Variants in ALK observed in about 807,000 individuals in gnomAD.
The protein encoded by ALK is ALK receptor tyrosine kinase.
A neutral mutation model predicts 163.1 loss-of-function variants in ALK; 74 were observed. The ratio of observed to expected loss-of-function variants is 0.45; its 90% CI spans 0.38 to 0.55. The LOEUF (loss-of-function observed/expected upper bound fraction) is 0.55. ALK is among the 20% of genes least tolerant of loss of function. The pLI is 0.00. For synonymous variants in ALK, 960 were observed against 843.2 expected, an observed-to-expected ratio of 1.14 and a Z score of -2.40; for missense variants, 2,063 against 2,105.3, an observed-to-expected ratio of 0.98 and a Z score of 0.39.
intron 12 of ALK, among the ~76,000 whole-genome samples, chr2:29,248,431 C>A (rs1664739449): frequency 6.6e-6 from 1 of 152,200 alleles, no homozygotes; most frequent in African/African-American, 2.4e-5. Flanking sequence ...CCACTGCACC[C>A]CAGCCTGGGC....
chr2:29,585,244 C>T (rs766242156), intron 3 of ALK, among the ~76,000 whole-genome samples: 29 of 152,110 alleles, frequency 1.9e-4, no homozygotes, highest in Non-Finnish European at 3.7e-4. Context: ...GGTGATGATG[C>T]AAAGAAGAAA....
intron 26 of ALK, among the ~76,000 whole-genome samples, chr2:29,203,804 C>G (rs557844963): frequency 6.6e-6 from 1 of 151,836 alleles, no homozygotes; most frequent in East Asian, 1.9e-4. Flanking sequence ...CCTTTTTCCC[C>G]ATGGTGATTG....
intron 1 of ALK, among the ~76,000 whole-genome samples, chr2:29,819,583 G>A (rs1478113368): frequency 1.3e-5 from 2 of 152,236 alleles, no homozygotes; most frequent in Non-Finnish European, 2.9e-5. Flanking sequence ...CCATGGTGTA[G>A]AGTAAAATTC....
intron 3 of ALK, among the ~76,000 whole-genome samples, chr2:29,629,004 A>G (rs1264544604): frequency 2.0e-5 from 3 of 152,098 alleles, no homozygotes; most frequent in Admixed American, 6.6e-5. Flanking sequence ...GAAACCTAAG[A>G]CTGCCATGGG....
chr2:29,363,303 G>A (rs1017288574), intron 5 of ALK, among the ~76,000 whole-genome samples: 7 of 152,274 alleles, frequency 4.6e-5, no homozygotes, highest in Admixed American at 4.6e-4. Flanking sequence ...CTTCTTCCTA[G>A]GGGCCTTCAC....
intron 3 of ALK, among the ~76,000 whole-genome samples, chr2:29,640,094 G>A (rs1364745500): frequency 1.3e-5 from 2 of 152,162 alleles, no homozygotes; most frequent in Admixed American, 6.5e-5. Flanking sequence ...GACAGAGGGA[G>A]GTCCAGTGCC....
intron 4 of ALK, among the ~76,000 whole-genome samples, chr2:29,513,590 C>A (rs1274322707): frequency 6.6e-6 from 1 of 151,948 alleles, no homozygotes; most frequent in Non-Finnish European, 1.5e-5. Flanking sequence ...TAGGCACGGG[C>A]AAGGACTTCA....
intron 1 of ALK, among the ~76,000 whole-genome samples, chr2:29,833,297 G>T (rs77345071): frequency 6.6e-6 from 1 of 152,184 alleles, no homozygotes; most frequent in South Asian, 2.1e-4. Context: ...TGTGCAAGGA[G>T]CAAGTCCACA....
At chr2:29,687,985 G>C (rs1167414904) in intron 3 of ALK, among the ~76,000 whole-genome samples, 1 of 152,154 alleles carries the variant, frequency 6.6e-6, no homozygotes, top group African/African-American at 2.4e-5. Context: ...GTTGCAGCCT[G>C]CATCTTAGGT....
intron 1 of ALK, among the ~76,000 whole-genome samples, chr2:29,883,578 T>C (rs1043778829): frequency 6.6e-6 from 1 of 152,184 alleles, no homozygotes; most frequent in Non-Finnish European, 1.5e-5. Flanking sequence ...CAGTAAAGAA[T>C]GCTGAATTGA....
chr2:29,608,040 C>CT (rs57423593), intron 3 of ALK, among the ~76,000 whole-genome samples: 9 of 151,456 alleles, frequency 5.9e-5, no homozygotes, highest in African/African-American at 1.5e-4. Flanking sequence ...ATTTCTATTG[C>CT]TTTGTCTGGA....
At chr2:29,506,741 G>A (rs1034188867) in intron 4 of ALK, among the ~76,000 whole-genome samples, 4 of 135,408 alleles carry the variant, frequency 3.0e-5, no homozygotes, top group East Asian at 2.0e-4. Flanking sequence ...GCAAGACTCC[G>A]TCTCAAAAAC....
At chr2:29,608,201 GCTTTCTTTT>G (rs555867934) in intron 3 of ALK, among the ~76,000 whole-genome samples, 31 of 152,230 alleles carry the variant, frequency 2.0e-4, no homozygotes, top group Non-Finnish European at 4.0e-4. Flanking sequence ...CCCTTGCCAT[GCTTTCTTTT>G]CTTCCTACCA....
chr2:29,546,263 G>A (rs1673551190), intron 3 of ALK, among the ~76,000 whole-genome samples: 1 of 152,140 alleles, frequency 6.6e-6, no homozygotes, highest in African/African-American at 2.4e-5. Flanking sequence ...AAAAGGGGCA[G>A]AGCCAATAAT....
intron 4 of ALK, among the ~76,000 whole-genome samples, chr2:29,393,527 C>T (rs930286174): frequency 1.3e-5 from 2 of 152,166 alleles, no homozygotes; most frequent in African/African-American, 4.8e-5. Flanking sequence ...GCTAGGTTTC[C>T]CCCTCAGTCC....
At chr2:29,309,564 C>T (rs928187922) in intron 8 of ALK, among the ~76,000 whole-genome samples, 3 of 152,152 alleles carry the variant, frequency 2.0e-5, no homozygotes, top group African/African-American at 4.8e-5. Flanking sequence ...ACTTAACAGG[C>T]AGTGGTGATA....
At chr2:29,719,992 G>A (rs908040310) in intron 1 of ALK, among the ~76,000 whole-genome samples, 2 of 152,154 alleles carry the variant, frequency 1.3e-5, no homozygotes, top group East Asian at 1.9e-4. Flanking sequence ...AAGTAGCTTT[G>A]AAGTGACAGG....
intron 1 of ALK, among the ~76,000 whole-genome samples, chr2:29,885,772 C>T (rs900345721): frequency 2.0e-5 from 3 of 152,144 alleles, no homozygotes; most frequent in African/African-American, 7.2e-5. Context: ...AAAAAGGGTT[C>T]TAATTACTCA....
At chr2:29,276,384 A>C (rs961523493) in intron 9 of ALK, among the ~76,000 whole-genome samples, 6 of 152,224 alleles carry the variant, frequency 3.9e-5, no homozygotes, top group Non-Finnish European at 8.8e-5. Flanking sequence ...TAAACAGGAA[A>C]GTACTTTTGG....
Sources: gnomAD v4.1 joint callset for allele counts (sites outside exome capture counted in the v4.1 genomes callset) on GRCh38, gnomAD v4.1.1 for gene constraint, MANE v1.5 for transcripts, NCBI Gene and HGNC (gene_info 2026-07-23, HGNC 2026-07-21) for gene names.